INVS: variants seen among roughly 807,000 people sequenced by gnomAD.
INVS encodes inversin.
A neutral mutation model predicts 108.8 loss-of-function variants in INVS; 86 were observed. The observed-to-expected ratio is 0.79, with a 90% CI of 0.66 to 0.95. The LOEUF (loss-of-function observed/expected upper bound fraction) is 0.95, where lower values mean the gene tolerates loss of function less well. Ranked by LOEUF, INVS falls within the 40% of genes least tolerant of loss-of-function variation. The probability of loss-of-function intolerance (pLI) is 0.00; values close to 1 mark genes in which losing one functional copy is unlikely to be tolerated. For missense variants in INVS, 1,169 were observed against 1,297.4 expected, an observed-to-expected ratio of 0.90 and a Z score of 1.52; for synonymous variants, 455 against 473.5, an observed-to-expected ratio of 0.96 and a Z score of 0.51.
At position 100,284,576 on chromosome 9, in the gene INVS, CAGGGAACAAA is replaced by C. The variant is rs1833378623; in HGVS notation, c.2042_2051del (p.Gln681ProfsTer59). ...GGAGCAGCATGTTTCCTCAGATTTG[CAGGGAACAAA>C]CTCCAGAAGGCCAAATGGTAGGTGT... On this transcript the variant is annotated frameshift_variant, in exon 13 of 17. Coordinates refer to ENST00000262457, the MANE Select transcript of INVS (RefSeq NM_014425.5). LOFTEE classifies it high-confidence loss of function. 6.2e-7 allele frequency: 1 copy of C among 1,613,578 alleles called. No individual in the cohort carries two copies. The highest frequency in any genetic ancestry group is 8.5e-7 in the Non-Finnish European group (1 of 1,179,752).
chr9:100,300,181 T>G (rs1371746941), intron 16 of INVS, among the ~76,000 whole-genome samples: 2 of 152,258 alleles, frequency 1.3e-5, no homozygotes, highest in African/African-American at 4.8e-5. Context: ...CTGAATATTT[T>G]CTAACAAACC....
intron 3 of INVS, among the ~76,000 whole-genome samples, chr9:100,182,554 A>G (rs1292674868): frequency 6.6e-6 from 1 of 152,228 alleles, no homozygotes; most frequent in Non-Finnish European, 1.5e-5. Flanking sequence ...TCATTAGAGA[A>G]ATGCAAATTA....
intron 3 of INVS, among the ~76,000 whole-genome samples, chr9:100,140,542 G>C (rs144275275): frequency 5.9e-5 from 9 of 152,320 alleles, no homozygotes; most frequent in African/African-American, 1.4e-4. Flanking sequence ...ATGTGTACGT[G>C]TAGGTCACAG....
In INVS at chr9:100,219,636, T is replaced by A. The variant is rs530763192; in HGVS notation, c.274-6426T>A. 2.6e-5 allele frequency among the ~76,000 whole-genome samples: 4 copies of A among 152,316 alleles called. No homozygotes were observed. In the South Asian group the frequency reaches 8.3e-4, roughly 32 times the overall value. On this transcript the variant is annotated intron_variant, in intron 3 of 16. Coordinates refer to ENST00000262457, the MANE Select transcript of INVS (RefSeq NM_014425.5). ...ATTCTTATGTACTTACCAGGAGATA[T>A]GTATGAGAATATTCATTACAATATT...
intron 3 of INVS, chr9:100,130,297 C>G (rs959932648): frequency 2.0e-5 from 3 of 151,790 alleles, no homozygotes; most frequent in Non-Finnish European, 2.9e-5. Context: ...TACTAGGGAG[C>G]CTTTGGGAAA....
intron 13 of INVS, among the ~76,000 whole-genome samples, chr9:100,284,997 GC>G (rs1833396918): frequency 1.3e-5 from 2 of 151,976 alleles, no homozygotes; most frequent in African/African-American, 4.8e-5. Context: ...CATTTTATGC[GC>G]CCGCCTGTAT....
intron 3 of INVS, among the ~76,000 whole-genome samples, chr9:100,189,287 T>G (rs1189860785): frequency 1.3e-5 from 2 of 151,954 alleles, no homozygotes; most frequent in Non-Finnish European, 2.9e-5. Context: ...TTTGGGTTTT[T>G]GTTTGTTCTT....
At chr9:100,197,765 A>T (rs1053132666) in intron 3 of INVS, among the ~76,000 whole-genome samples, 30 of 152,208 alleles carry the variant, frequency 2.0e-4, no homozygotes, top group Non-Finnish European at 2.9e-5. Context: ...CCTCCAGGGT[A>T]TGGGGCAAAG....
chr9:100,168,662 G>T (rs1456093183), intron 3 of INVS, among the ~76,000 whole-genome samples: 1 of 152,158 alleles, frequency 6.6e-6, no homozygotes, highest in Non-Finnish European at 1.5e-5. Context: ...TCAAATATCG[G>T]CCTTATTCAT....
intron 3 of INVS, among the ~76,000 whole-genome samples, chr9:100,142,510 G>A (rs1266346855): frequency 1.3e-5 from 2 of 152,152 alleles, no homozygotes; most frequent in Non-Finnish European, 2.9e-5. Flanking sequence ...TGAATGTCAG[G>A]TGGATCAGAG....
chr9:100,225,114 G>A (rs1385977496), intron 3 of INVS, among the ~76,000 whole-genome samples: 1 of 150,622 alleles, frequency 6.6e-6, no homozygotes, highest in Non-Finnish European at 1.5e-5. Flanking sequence ...CTGGAGTGCA[G>A]TGGCACGATC....
In INVS at chr9:100,115,453, C is replaced by T. The variant is rs142414359; in HGVS notation, c.106+10826C>T. 8.5e-5 allele frequency among the ~76,000 whole-genome samples: 13 copies of T among 152,240 alleles called. No homozygotes were observed. In the East Asian group the frequency reaches 1.5e-3, roughly 18 times the overall value. ...ATATCTCCTAATGCTATGCCTCCCC[C>T]GTCCCCCGACCCCACAACAGGCCCC... On this transcript the variant is annotated intron_variant, in intron 2 of 16. Transcript: ENST00000262457.
intron 3 of INVS, among the ~76,000 whole-genome samples, chr9:100,171,499 C>T (rs930481445): frequency 6.6e-6 from 1 of 152,004 alleles, no homozygotes; most frequent in African/African-American, 2.4e-5. Context: ...GACTATAGCT[C>T]AATATGTATG....
At chr9:100,225,535 C>T (rs578142765) in intron 3 of INVS, among the ~76,000 whole-genome samples, 1 of 152,268 alleles carries the variant, frequency 6.6e-6, no homozygotes, top group South Asian at 2.1e-4. Context: ...CATTATTACA[C>T]TTTGAGTATA....
intron 3 of INVS, among the ~76,000 whole-genome samples, chr9:100,158,734 A>G (rs1829078101): frequency 1.3e-5 from 2 of 152,220 alleles, no homozygotes. Flanking sequence ...TATAGTTTGA[A>G]TATTTGTCCC....
chr9:100,212,284 G>C (rs1830854491), intron 3 of INVS, among the ~76,000 whole-genome samples: 1 of 152,146 alleles, frequency 6.6e-6, no homozygotes, highest in Non-Finnish European at 1.5e-5. Flanking sequence ...ATTGTACTGA[G>C]CCATTTATGT....
intron 3 of INVS, among the ~76,000 whole-genome samples, chr9:100,157,350 C>T (rs1272764544): frequency 3.3e-5 from 5 of 150,206 alleles, no homozygotes; most frequent in Admixed American, 6.6e-5. Flanking sequence ...CTGCAAGCTC[C>T]GCCTCCTGGG....
intron 2 of INVS, among the ~76,000 whole-genome samples, chr9:100,107,281 G>A (rs1827210322): frequency 6.6e-6 from 1 of 152,092 alleles, no homozygotes; most frequent in South Asian, 2.1e-4. Flanking sequence ...TCATTACATT[G>A]TGGTTTTACC....
chr9:100,283,622 A>T (rs1833343297), intron 12 of INVS, among the ~76,000 whole-genome samples: 1 of 151,984 alleles, frequency 6.6e-6, no homozygotes, highest in Admixed American at 6.6e-5. Flanking sequence ...TCGCCCAGCT[A>T]CTCATCTTTA....
Sources: gnomAD v4.1 joint callset for allele counts (sites outside exome capture counted in the v4.1 genomes callset) on GRCh38, gnomAD v4.1.1 for gene constraint, MANE v1.5 for transcripts, NCBI Gene and HGNC (gene_info 2026-07-23, HGNC 2026-07-21) for gene names.